The following CHI3L2 variants were observed in gnomAD, a reference collection of about 807,000 sequenced individuals.
CHI3L2 encodes chitinase 3 like 2, also known as chitinase-3-like protein 2.
CHI3L2 carries 47 observed loss-of-function variants against 47.3 expected under a neutral mutation model. That is an observed-to-expected ratio of 0.99 (90% confidence interval 0.79 to 1.27). The LOEUF is 1.27. Among genes scored for constraint, CHI3L2 ranks in the 50% most tolerant of loss-of-function variants. The pLI is 0.00. For missense variants in CHI3L2, 497 were observed against 462.1 expected, an observed-to-expected ratio of 1.08 and a Z score of -0.69; for synonymous variants, 198 against 169.9, an observed-to-expected ratio of 1.17 and a Z score of -1.28.
Position 111,230,956 on chromosome 1 carries a change from G to T in CHI3L2, c.272+13G>T, listed in dbSNP as rs200108580. On this transcript the variant is annotated intron_variant, in intron 3 of 10. Transcript: ENST00000369748. ...GTCTCAAAACCAAGTGAGTAAGATG[G>T]GGGTGGAAGCATCCTGCATGGATTT... The T allele has an allele frequency of 1.4e-5, 23 of 1,607,338 alleles. No homozygotes were observed. The African/African-American group carries it at 2.8e-4, about 20-fold the overall frequency.
At chr1:111,230,616 T>G in intron 2 of CHI3L2, 126 bp from the exon 3 acceptor site, 3 of 747,316 alleles carry the variant, frequency 4.0e-6, no homozygotes, top group Non-Finnish European at 6.7e-6. Flanking sequence ...CCAGGCTGAA[T>G]GACCCTCAGA....
At chr1:111,235,960 T>C (rs1349802302) in intron 6 of CHI3L2, 64 bp from the exon 7 acceptor site, 1 of 1,594,978 alleles carries the variant, frequency 6.3e-7, no homozygotes, top group Non-Finnish European at 8.6e-7. Context: ...GCCAAAACAA[T>C]TACTTACAAT....
In CHI3L2 at chr1:111,238,878, C is replaced by T. The variant is rs769519545; in HGVS notation, c.864C>T (p.Gly288=). 2 of 1,613,330 alleles carry T rather than the reference C, an allele frequency of 1.2e-6. No homozygotes were observed. Among genetic ancestry groups the T allele is most frequent in the African/African-American group, 1.3e-5 (1 of 74,896 alleles). ...CCACCGTGGGGGCCCCTGCCTCTGG[C>T]CCTGGAGCTGCTGGACCCATCACAG... ...AETTVGAPAS[G]PGAAGPITES... The change falls in exon 8 of 11, where the codon GGC becomes GGT. Residue 288 remains glycine (G), a synonymous_variant. Transcript: ENST00000369748.
At chr1:111,239,050 T>C in intron 8 of CHI3L2, 118 bp downstream of exon 8, 1 of 987,076 alleles carries the variant, frequency 1.0e-6, no homozygotes, top group Non-Finnish European at 1.5e-6. Flanking sequence ...GGCAGAGTAC[T>C]ACTGAACATG....
At chr1:111,227,664 G>T (rs953889440), upstream of CHI3L2, 7 of 1,490,556 alleles carry the variant, frequency 4.7e-6, no homozygotes, top group Admixed American at 3.3e-5. Context: ...TGTAGGACAG[G>T]CTGTCGAAAC....
chr1:111,236,157 A>C lies in CHI3L2; in HGVS notation c.735+4A>C, dbSNP rs756428182. 4.3e-6 allele frequency: 7 copies of C among 1,614,062 alleles called. No homozygotes were observed. The highest frequency in any genetic ancestry group is 5.9e-6 in the Non-Finnish European group (7 of 1,179,966). On this transcript the variant is annotated splice_donor_region_variant and intron_variant, in intron 7 of 10. Coordinates refer to ENST00000369748, the MANE Select transcript of CHI3L2 (RefSeq NM_004000.3). Reference sequence around the variant, plus strand: ...GCCAAGCTCCTACTACAATGTGGTGAGTAGGCCAGGGGAACCGCAGGGGTA... The same window carrying C: ...GCCAAGCTCCTACTACAATGTGGTGCGTAGGCCAGGGGAACCGCAGGGGTA...
chr1:111,235,068 A>G lies in CHI3L2; in HGVS notation c.480+11A>G. The G allele has an allele frequency of 6.2e-7, 1 of 1,613,082 alleles. No homozygotes were observed. The highest frequency in any genetic ancestry group is 1.1e-5 in the South Asian group (1 of 91,062). On this transcript the variant is annotated intron_variant, in intron 5 of 10. Coordinates refer to ENST00000369748, the MANE Select transcript of CHI3L2 (RefSeq NM_004000.3). The stretch of plus-strand genomic sequence containing the variant: ...ACTGTGCTGATTCATGTAAGTCATG[A>G]ATCAAGTAATTCATGTGAGTCAGAT...
At chr1:111,237,490 T>C (rs1383811045) in intron 7 of CHI3L2, among the ~76,000 whole-genome samples, 1 of 152,216 alleles carries the variant, frequency 6.6e-6, no homozygotes. Flanking sequence ...GGCCTTCATA[T>C]TCAAAGTCAC....
At chr1:111,241,542 C>A in intron 9 of CHI3L2, 99 bp downstream of exon 9, 1 of 689,704 alleles carries the variant, frequency 1.4e-6, no homozygotes, top group Non-Finnish European at 2.6e-6. Context: ...CTTCTGAGGC[C>A]CCAGACTCTA....
At chr1:111,238,025 C>A (rs894918428) in intron 7 of CHI3L2, among the ~76,000 whole-genome samples, 6 of 152,232 alleles carry the variant, frequency 3.9e-5, no homozygotes, top group African/African-American at 7.2e-5. Context: ...TGACTCCAGG[C>A]CTTTACATAA....
intron 10 of CHI3L2, among the ~76,000 whole-genome samples, chr1:111,242,895 T>C (rs949435779): frequency 2.0e-5 from 3 of 152,210 alleles, no homozygotes; most frequent in African/African-American, 7.2e-5. Flanking sequence ...GCTTTGCTGC[T>C]GCTCCATCCC....
intron 4 of CHI3L2, 79 bp downstream of exon 4, chr1:111,231,373 G>T: frequency 1.8e-6 from 2 of 1,106,184 alleles, no homozygotes; most frequent in Non-Finnish European, 2.7e-6. Flanking sequence ...TCTAAGAAGA[G>T]ATATTAAACT....
Position 111,235,822 on chromosome 1 carries a change from T to G in CHI3L2, c.605+59T>G, listed in dbSNP as rs998264770. The stretch of plus-strand genomic sequence containing the variant: ...CTTCCAATTTGGTCCATGCAAATGA[T>G]GCATCAGCATGTTTGACGGATGAGG... On this transcript the variant is annotated intron_variant, in intron 6 of 10. Coordinates refer to ENST00000369748, the MANE Select transcript of CHI3L2 (RefSeq NM_004000.3). 99 of 1,596,158 alleles carry G rather than the reference T, an allele frequency of 6.2e-5. No homozygotes were observed. In the Admixed American group the frequency reaches 1.7e-3, roughly 27 times the overall value.
intron 2 of CHI3L2, 105 bp downstream of exon 2, chr1:111,229,986 C>A: frequency 8.1e-7 from 1 of 1,235,436 alleles, no homozygotes; most frequent in South Asian, 1.3e-5. Context: ...CTTGATTACT[C>A]TCTCCGGTTC....
Position 111,235,019 on chromosome 1 carries a change from G to T in CHI3L2, c.442G>T (p.Asp148Tyr), listed in dbSNP as rs532267613. 1 of 1,614,106 alleles carries T rather than the reference G, an allele frequency of 6.2e-7. No homozygotes were observed. The highest frequency in any genetic ancestry group is 1.1e-5 in the South Asian group (1 of 91,084). The change falls in exon 5 of 11, where the codon GAT becomes TAT. Residue 148 changes from aspartate to tyrosine, a missense_variant. Physicochemically the swap from Asp to Tyr is radical, Grantham distance 160 (BLOSUM62 -3). Transcript: ENST00000369748. ...DGLDVSWIYP[D>Y]QKENTHFTVL... is the part of the protein sequence containing the mutation. Reference sequence around the variant, plus strand: ...ACTGGATGTAAGCTGGATCTACCCAGATCAGAAAGAAAACACTCATTTCAC... The same window carrying T: ...ACTGGATGTAAGCTGGATCTACCCATATCAGAAAGAAAACACTCATTTCAC...
intron 4 of CHI3L2, among the ~76,000 whole-genome samples, chr1:111,232,349 G>A (rs1018837615): frequency 2.0e-5 from 3 of 151,686 alleles, no homozygotes; most frequent in African/African-American, 7.2e-5. Flanking sequence ...ATTCATTCTT[G>A]CATTCATTCA....
At position 111,242,395 on chromosome 1, in the gene CHI3L2, G is replaced by A. The variant is rs750742751; in HGVS notation, c.*2+29G>A. The A allele has an allele frequency of 4.5e-6, 7 of 1,571,918 alleles. No individual in the cohort carries two copies. The South Asian group carries it at 8.4e-5, about 19-fold the overall frequency. On this transcript the variant is annotated intron_variant, in intron 10 of 10. Coordinates refer to ENST00000369748, the MANE Select transcript of CHI3L2 (RefSeq NM_004000.3). ...ACAGTCCAGGCTGGAGCTGGGAGTG[G>A]GCAGACAGCTGGGCAGAACAGGGCA...
chr1:111,228,145 G>A (rs1301354120), intron 1 of CHI3L2, among the ~76,000 whole-genome samples: 1 of 152,120 alleles, frequency 6.6e-6, no homozygotes, highest in East Asian at 1.9e-4. Flanking sequence ...TACAACTTTT[G>A]GAGAGCCCCA....
intron 4 of CHI3L2, among the ~76,000 whole-genome samples, chr1:111,233,583 C>T (rs1659789611): frequency 6.6e-6 from 1 of 152,112 alleles, no homozygotes; most frequent in Non-Finnish European, 1.5e-5. Flanking sequence ...GGTCAGCACC[C>T]CGCCCGGCCA....
Sources: gnomAD v4.1 joint callset for allele counts (sites outside exome capture counted in the v4.1 genomes callset) on GRCh38, gnomAD v4.1.1 for gene constraint, MANE v1.5 for transcripts, NCBI Gene and HGNC (gene_info 2026-07-23, HGNC 2026-07-21) for gene names.